Variants in TPRG1 observed in about 807,000 individuals in gnomAD.
TPRG1 encodes the protein tumor protein p63-regulated gene 1 protein.
In TPRG1, 29 loss-of-function variants were observed where a neutral mutation model predicts 29.3. The ratio of observed to expected loss-of-function variants is 0.99; its 90% CI spans 0.74 to 1.35. The LOEUF is 1.35. Among genes scored for constraint, TPRG1 ranks in the 40% most tolerant of loss-of-function variants. The pLI, the probability that TPRG1 is intolerant of heterozygous loss-of-function variation, is 0.00. For missense variants in TPRG1, 327 were observed against 335.0 expected (o/e 0.98, Z 0.19); for synonymous variants, 130 against 116.8 (o/e 1.11, Z -0.73).
At chr3:189,190,781 T>C (rs1437244378) in intron 1 of TPRG1, among the ~76,000 whole-genome samples, 2 of 152,218 alleles carry the variant, frequency 1.3e-5, no homozygotes. Context: ...GTACATTTAA[T>C]ATATAGAGAT....
intron 4 of TPRG1, among the ~76,000 whole-genome samples, chr3:189,056,198 C>G (rs1002216980): frequency 5.3e-5 from 8 of 151,980 alleles, no homozygotes; most frequent in Non-Finnish European, 8.8e-5. Context: ...CGGGTCCAAG[C>G]GAGTCTCATG....
chr3:189,047,779 G>A (rs1715068667), intron 4 of TPRG1, among the ~76,000 whole-genome samples: 2 of 152,220 alleles, frequency 1.3e-5, no homozygotes, highest in Non-Finnish European at 2.9e-5. Flanking sequence ...AACTTTCTTT[G>A]CTTCTCCGTA....
At chr3:189,164,287 T>C (rs1727868817) in intron 5 of TPRG1, among the ~76,000 whole-genome samples, 1 of 152,124 alleles carries the variant, frequency 6.6e-6, no homozygotes, top group African/African-American at 2.4e-5. Context: ...CTTAGCCTCC[T>C]GAGCAGCTGG....
Position 189,008,205 on chromosome 3 carries a change from T to C in TPRG1, c.-660+3445T>C, listed in dbSNP as rs537923216. Among the ~76,000 whole-genome samples the C allele has an allele frequency of 4.6e-5, 7 of 152,106 alleles. No homozygotes were observed. In the South Asian group the frequency reaches 1.5e-3, roughly 32 times the overall value. On this transcript the variant is annotated intron_variant, in intron 3 of 10. Transcript: ENST00000433971. The stretch of plus-strand genomic sequence containing the variant: ...GTGTGTGAGTGGTGAGAGGGGCCAA[T>C]GGGGTGAGCAATGCGAGTGCCATCG...
At chr3:189,060,707 G>A (rs1027116055) in intron 4 of TPRG1, among the ~76,000 whole-genome samples, 6 of 152,036 alleles carry the variant, frequency 3.9e-5, no homozygotes, top group Non-Finnish European at 7.4e-5. Flanking sequence ...CCACAAAAAA[G>A]AATAAAATAC....
chr3:189,306,422 G>A (rs1020578079), intron 4 of TPRG1, among the ~76,000 whole-genome samples: 9 of 152,102 alleles, frequency 5.9e-5, no homozygotes, highest in African/African-American at 9.7e-5. Flanking sequence ...CCTTGGACCC[G>A]GATACAGGTG....
intron 3 of TPRG1, among the ~76,000 whole-genome samples, chr3:189,009,421 G>A (rs1712476682): frequency 6.6e-6 from 1 of 152,124 alleles, no homozygotes; most frequent in Non-Finnish European, 1.5e-5. Flanking sequence ...AGTAGGATGA[G>A]AATGATGCTA....
At chr3:189,056,048 C>G (rs1452983018) in intron 4 of TPRG1, among the ~76,000 whole-genome samples, 2 of 99,252 alleles carry the variant, frequency 2.0e-5, no homozygotes, top group African/African-American at 7.6e-5. Flanking sequence ...TTCCTTCCTT[C>G]CTTCCTTCCT....
At chr3:189,038,579 A>G (rs1168864586) in intron 4 of TPRG1, among the ~76,000 whole-genome samples, 5 of 152,092 alleles carry the variant, frequency 3.3e-5, no homozygotes, top group African/African-American at 4.8e-5. Flanking sequence ...TTCTGGAACA[A>G]TACTCCCAAA....
At chr3:189,125,930 T>C (rs1341130697) in intron 1 of TPRG1, among the ~76,000 whole-genome samples, 1 of 151,830 alleles carries the variant, frequency 6.6e-6, no homozygotes, top group African/African-American at 2.4e-5. Flanking sequence ...AAAATGCTTC[T>C]GTAAGAACAT....
At chr3:189,069,515 T>C (rs547255833) in intron 4 of TPRG1, among the ~76,000 whole-genome samples, 1 of 152,274 alleles carries the variant, frequency 6.6e-6, no homozygotes, top group African/African-American at 2.4e-5. Context: ...GGATAAAGGG[T>C]ACATGGTATT....
intron 1 of TPRG1, among the ~76,000 whole-genome samples, chr3:189,190,638 T>C (rs990719609): frequency 2.0e-5 from 3 of 152,208 alleles, no homozygotes; most frequent in Admixed American, 2.0e-4. Context: ...TCAAGATACT[T>C]CATCATCTAC....
At chr3:189,077,076 T>A (rs548293997) in intron 4 of TPRG1, among the ~76,000 whole-genome samples, 2 of 152,252 alleles carry the variant, frequency 1.3e-5, no homozygotes, top group South Asian at 4.1e-4. Context: ...TTTCCTACAT[T>A]GCTGTTCTGA....
intron 5 of TPRG1, chr3:189,313,135 C>T (rs1285325693): frequency 6.6e-6 from 1 of 151,826 alleles, no homozygotes; most frequent in East Asian, 1.9e-4. Flanking sequence ...AGTCCCAGCT[C>T]TCTAGGAAAA....
intron 3 of TPRG1, among the ~76,000 whole-genome samples, chr3:189,222,899 C>T (rs143867407): frequency 6.6e-6 from 1 of 152,254 alleles, no homozygotes; most frequent in Non-Finnish European, 1.5e-5. Flanking sequence ...GTTTTGTATG[C>T]CTCTGCCTTG....
chr3:189,185,028 T>C (rs1430723434), intron 1 of TPRG1, among the ~76,000 whole-genome samples: 1 of 152,142 alleles, frequency 6.6e-6, no homozygotes, highest in Non-Finnish European at 1.5e-5. Flanking sequence ...GTTAAGGAGG[T>C]AGGAATGAGT....
At chr3:189,184,496 A>G (rs1368185754) in intron 1 of TPRG1, among the ~76,000 whole-genome samples, 3 of 152,148 alleles carry the variant, frequency 2.0e-5, no homozygotes, top group African/African-American at 7.2e-5. Context: ...AAAATTATTT[A>G]CTTTCATTTT....
At chr3:189,199,406 C>T (rs951640935) in intron 1 of TPRG1, among the ~76,000 whole-genome samples, 2 of 152,110 alleles carry the variant, frequency 1.3e-5, no homozygotes, top group Non-Finnish European at 2.9e-5. Context: ...TAATTTAGTC[C>T]AACAGTTTTC....
At chr3:189,283,987 T>A (rs919553122) in intron 4 of TPRG1, among the ~76,000 whole-genome samples, 1 of 152,168 alleles carries the variant, frequency 6.6e-6, no homozygotes, top group Non-Finnish European at 1.5e-5. Flanking sequence ...CCTTGGCCTA[T>A]TACCAGATTG....
Sources: gnomAD v4.1 joint callset for allele counts (sites outside exome capture counted in the v4.1 genomes callset) on GRCh38, gnomAD v4.1.1 for gene constraint, MANE v1.5 for transcripts, NCBI Gene and HGNC (gene_info 2026-07-23, HGNC 2026-07-21) for gene names.